Variants in EMILIN2 observed in about 807,000 individuals in gnomAD.
EMILIN2 encodes the protein elastin microfibril interfacer 2.
Under a neutral mutation model 87.1 loss-of-function variants are expected in EMILIN2, and 71 were observed. The ratio of observed to expected loss-of-function variants is 0.82; its 90% CI spans 0.67 to 0.99. EMILIN2 has a LOEUF of 0.99. Ranked by LOEUF, EMILIN2 falls within the 50% of genes least tolerant of loss-of-function variation. The pLI is 0.00. For synonymous variants in EMILIN2, 581 were observed against 563.4 expected (o/e 1.03, Z -0.44); for missense variants, 1,407 against 1,371.8 (o/e 1.03, Z -0.40).
chr18:2,910,849 G>T (rs2076937362), intron 7 of EMILIN2, among the ~76,000 whole-genome samples: 1 of 152,236 alleles, frequency 6.6e-6, no homozygotes, highest in African/African-American at 2.4e-5. Flanking sequence ...AGAACTCAGA[G>T]AAATGAATTC....
rs1042880723 is a variant in EMILIN2 at position 2,880,336 on chromosome 18, C to T, written c.258-4628C>T. Among the ~76,000 whole-genome samples, 5 of 152,266 alleles carry T rather than the reference C, an allele frequency of 3.3e-5. No homozygotes were observed. The highest frequency in any genetic ancestry group is 3.9e-4 in the East Asian group (2 of 5,182). On this transcript the variant is annotated intron_variant, in intron 2 of 7. Transcript: ENST00000254528. The surrounding 1 kb of genome is among the most constrained non-coding windows in gnomAD (Gnocchi z 4.1). The stretch of plus-strand genomic sequence containing the variant: ...CCTGGGCCAGTCTAGTGTCTTGACA[C>T]GGTTGCTGAACCCATTAAAATGGGA...
intron 2 of EMILIN2, among the ~76,000 whole-genome samples, chr18:2,873,757 A>G (rs996072948): frequency 4.6e-5 from 7 of 152,130 alleles, no homozygotes; most frequent in Admixed American, 4.6e-4. Context: ...AAAATCGTGA[A>G]CAGATGTCAG....
At chr18:2,908,102 G>A (rs141899511) in intron 5 of EMILIN2, among the ~76,000 whole-genome samples, 32 of 152,248 alleles carry the variant, frequency 2.1e-4, no homozygotes, top group East Asian at 1.7e-3. Flanking sequence ...CCTGAGCTGC[G>A]GTGATCACAG....
chr18:2,848,077 G>A lies in EMILIN2; in HGVS notation c.257+146G>A, dbSNP rs1455076145. On this transcript the variant is annotated intron_variant, in intron 2 of 7. Coordinates refer to ENST00000254528, the MANE Select transcript of EMILIN2 (RefSeq NM_032048.3). This position sits in a 1 kb window ranked among gnomAD's most constrained non-coding sequence, Gnocchi z 4.1. ...CCCGCAGCGGAAAAGCGCTCCGAGC[G>A]CTCGCGGGGCACCGGCCACGCTGGG... 6.3e-6 allele frequency: 7 copies of A among 1,115,374 alleles called. No homozygotes were observed. Among genetic ancestry groups the A allele is most frequent in the Non-Finnish European group, 6.1e-6 (5 of 813,368 alleles). The allele number at this position is 1,115,374 out of a possible 1,614,324, so 69.1% of individuals were successfully genotyped here.
intron 2 of EMILIN2, among the ~76,000 whole-genome samples, chr18:2,867,060 T>C (rs2076690029): frequency 1.3e-5 from 2 of 152,202 alleles, no homozygotes; most frequent in Non-Finnish European, 1.5e-5. Flanking sequence ...CTTGATATGG[T>C]GGCTTATCTT....
At chr18:2,899,761 C>G (rs2076880276) in intron 4 of EMILIN2, among the ~76,000 whole-genome samples, 1 of 152,174 alleles carries the variant, frequency 6.6e-6, no homozygotes, top group South Asian at 2.1e-4. Flanking sequence ...ACCTCAGCCT[C>G]CCAAAGTGCT....
chr18:2,852,398 G>C (rs1047000369), intron 2 of EMILIN2, among the ~76,000 whole-genome samples: 2 of 152,216 alleles, frequency 1.3e-5, no homozygotes, highest in Admixed American at 6.5e-5. Flanking sequence ...CCCGAGCTCA[G>C]CTGCCAACAT....
chr18:2,846,489 C>T (rs2143936964), upstream of EMILIN2, among the ~76,000 whole-genome samples: 1 of 152,332 alleles, frequency 6.6e-6, no homozygotes, highest in East Asian at 1.9e-4. This position sits in a 1 kb window ranked among gnomAD's most constrained non-coding sequence, Gnocchi z 5.3. Context: ...CAGATGGTGC[C>T]TAAGGCAGAG....
upstream of EMILIN2, among the ~76,000 whole-genome samples, chr18:2,846,433 G>A (rs1015712613): frequency 5.3e-5 from 8 of 152,244 alleles, no homozygotes; most frequent in Admixed American, 1.3e-4. The surrounding 1 kb of genome is among the most constrained non-coding windows in gnomAD (Gnocchi z 5.3). Context: ...TGGCGGGGCT[G>A]TGGCTTGTCC....
intron 3 of EMILIN2, among the ~76,000 whole-genome samples, chr18:2,888,642 G>GGC (rs2076815272): frequency 2.7e-5 from 4 of 150,458 alleles, no homozygotes; most frequent in Non-Finnish European, 5.9e-5. Flanking sequence ...GTGAACCCAA[G>GGC]AGGCAGAGCT....
intron 7 of EMILIN2, among the ~76,000 whole-genome samples, chr18:2,912,387 T>C (rs1002952636): frequency 1.3e-5 from 2 of 152,184 alleles, no homozygotes; most frequent in Non-Finnish European, 1.5e-5. Flanking sequence ...ATGTCCACTC[T>C]TGGCTTGTTG....
intron 2 of EMILIN2, among the ~76,000 whole-genome samples, chr18:2,868,544 G>C (rs563690238): frequency 6.6e-6 from 1 of 152,258 alleles, no homozygotes; most frequent in Non-Finnish European, 1.5e-5. Flanking sequence ...CTGCAATCCC[G>C]GCACCTCGGG....
At chr18:2,881,865 G>GC (rs879894263) in intron 2 of EMILIN2, among the ~76,000 whole-genome samples, 1 of 152,250 alleles carries the variant, frequency 6.6e-6, no homozygotes, top group Non-Finnish European at 1.5e-5. Context: ...GAGGACTCCT[G>GC]CTAGGTGGTG....
chr18:2,858,672 T>C lies in EMILIN2; in HGVS notation c.257+10741T>C, dbSNP rs573308017. Among the ~76,000 whole-genome samples the C allele has an allele frequency of 6.7e-5, 10 of 148,970 alleles. No individual in the cohort carries two copies. In the South Asian group the frequency reaches 2.2e-3, roughly 32 times the overall value. On this transcript the variant is annotated intron_variant, in intron 2 of 7. Coordinates refer to ENST00000254528, the MANE Select transcript of EMILIN2 (RefSeq NM_032048.3). ...TTCTTTCTTCTGATTCTCACTCTGTTGCCCAGGCTCTGGAGTGCAGTGGCG... is the reference window on the plus strand; with the variant it reads ...TTCTTTCTTCTGATTCTCACTCTGTCGCCCAGGCTCTGGAGTGCAGTGGCG...
intron 2 of EMILIN2, among the ~76,000 whole-genome samples, chr18:2,876,517 A>G (rs1415357981): frequency 8.0e-6 from 1 of 124,688 alleles, no homozygotes; most frequent in Admixed American, 7.6e-5. Flanking sequence ...CTGTAATCCC[A>G]GCACTTTGGG....
intron 7 of EMILIN2, among the ~76,000 whole-genome samples, chr18:2,910,674 G>A (rs1364766663): frequency 6.6e-6 from 1 of 152,062 alleles, no homozygotes; most frequent in African/African-American, 2.4e-5. Flanking sequence ...GGGAGGCCTT[G>A]CCACCCATAA....
rs1288603795 is a variant in EMILIN2, at chr18:2,906,992, G to A, written c.2569G>A (p.Ala857Thr). Residue 857 changes from alanine to threonine, a missense_variant, in exon 5 of 8, where the codon GCA becomes ACA. By Grantham distance (58) the Ala-to-Thr change is moderately conservative. Coordinates refer to ENST00000254528, the MANE Select transcript of EMILIN2 (RefSeq NM_032048.3). ...GGGCCAGGCCGGGCCCCCCGCAGGC[G>A]CAGGCGTGTCTGGGCGGGGTCTGCC... Reference protein sequence around the residue: ...ETGQAGPPAGAGVSGRGLPRG... With the variant: ...ETGQAGPPAGTGVSGRGLPRG... 7.3e-7 allele frequency: 1 copy of A among 1,375,148 alleles called. No homozygotes were observed. Among genetic ancestry groups the A allele is most frequent in the Non-Finnish European group, 9.4e-7 (1 of 1,062,982 alleles). The allele number at this position is 1,375,148 out of a possible 1,614,324, so 85.2% of individuals were successfully genotyped here. A position where few individuals can be genotyped will look rare whatever the true frequency, so the allele number is the denominator to read the frequency against.
At chr18:2,878,287 C>T (rs569437917) in intron 2 of EMILIN2, among the ~76,000 whole-genome samples, 5 of 152,052 alleles carry the variant, frequency 3.3e-5, no homozygotes, top group Non-Finnish European at 7.4e-5. Flanking sequence ...GTCAGGAGTT[C>T]GAGACCAGCT....
chr18:2,899,522 T>G (rs2076878850), intron 4 of EMILIN2, among the ~76,000 whole-genome samples: 1 of 152,168 alleles, frequency 6.6e-6, no homozygotes, highest in Admixed American at 6.5e-5. Flanking sequence ...TTTATTTTTT[T>G]TCAGCGGAGT....
Sources: allele counts gnomAD v4.1 joint callset (sites outside exome capture counted in the v4.1 genomes callset), GRCh38; gene constraint gnomAD v4.1.1; non-coding constraint Gnocchi (gnomAD v3.1); transcripts MANE v1.5; gene names NCBI Gene and HGNC (gene_info 2026-07-23, HGNC 2026-07-21).